The following TTC28 variants were observed in gnomAD, a reference collection of about 807,000 sequenced individuals.
TTC28 encodes tetratricopeptide repeat protein 28.
TTC28 carries 61 observed loss-of-function variants against 198.0 expected under a neutral mutation model. The ratio of observed to expected loss-of-function variants is 0.31; its 90% CI spans 0.25 to 0.38. TTC28 has a LOEUF of 0.38. TTC28 is among the 10% of genes least tolerant of loss of function. The probability of loss-of-function intolerance (pLI) is 1.00; values close to 1 mark genes in which losing one functional copy is unlikely to be tolerated. For synonymous variants in TTC28, 1,171 were observed against 1,297.8 expected (o/e 0.90, Z 2.10); for missense variants, 2,678 against 3,164.0 (o/e 0.85, Z 3.69).
At chr22:28,558,032 ATTTTG>A (rs983691652) in intron 2 of TTC28, among the ~76,000 whole-genome samples, 15 of 151,922 alleles carry the variant, frequency 9.9e-5, no homozygotes, top group African/African-American at 3.6e-4. Flanking sequence ...CATCGTTTTT[ATTTTG>A]ATTTTTTTAC....
chr22:28,304,946 G>A (rs976038933), intron 3 of TTC28, among the ~76,000 whole-genome samples: 3 of 151,564 alleles, frequency 2.0e-5, no homozygotes, highest in Admixed American at 2.0e-4. Flanking sequence ...AAATGCATCT[G>A]CTGTAAGTCA....
intron 1 of TTC28, among the ~76,000 whole-genome samples, chr22:28,655,415 C>T (rs2051629472): frequency 6.6e-6 from 1 of 152,126 alleles, no homozygotes; most frequent in South Asian, 2.1e-4. Context: ...TAAAAATAGT[C>T]CTGTGTCTTG....
intron 6 of TTC28, among the ~76,000 whole-genome samples, chr22:28,137,537 T>C (rs1943227211): frequency 6.6e-6 from 1 of 152,054 alleles, no homozygotes; most frequent in Admixed American, 6.5e-5. Context: ...GCCCTCTTGG[T>C]TTGGAGGGAG....
chr22:28,270,381 A>G (rs1404393840), intron 5 of TTC28, among the ~76,000 whole-genome samples: 1 of 152,200 alleles, frequency 6.6e-6, no homozygotes, highest in Non-Finnish European at 1.5e-5. Context: ...AGCACATAAA[A>G]TGATGGCTCT....
Position 27,981,229 on chromosome 22 carries a change from A to ATTTTTTTTTT in TTC28, c.*991_*992insAAAAAAAAAA, listed in dbSNP as rs1937001603. Reference sequence around the variant, plus strand: ...CTGGTTAAATCTAGTTAGCCATGGAAATTTTTTTTTTTTTTTTTTTTTTTT... The same window carrying ATTTTTTTTTT: ...CTGGTTAAATCTAGTTAGCCATGGAATTTTTTTTTTATTTTTTTTTTTTTTTTTTTTTTTT... On this transcript the variant is annotated 3_prime_UTR_variant, in exon 23 of 23. Transcript: ENST00000397906. 43 of 72,682 alleles carry ATTTTTTTTTT rather than the reference A, an allele frequency of 5.9e-4. 7 individuals carry two copies. The highest frequency in any genetic ancestry group is 1.4e-3 in the African/African-American group (28 of 20,418). 4.5% of individuals were successfully genotyped at this position (72,682 alleles called of 1,614,324 possible). A position where few individuals can be genotyped will look rare whatever the true frequency, so the allele number is the denominator to read the frequency against.
chr22:28,568,806 A>G (rs1331250991), intron 2 of TTC28, among the ~76,000 whole-genome samples: 1 of 152,186 alleles, frequency 6.6e-6, no homozygotes, highest in African/African-American at 2.4e-5. Flanking sequence ...TGCTATTCCT[A>G]TCAAACTATC....
At chr22:28,162,796 A>T (rs1020076046) in intron 6 of TTC28, among the ~76,000 whole-genome samples, 5 of 152,130 alleles carry the variant, frequency 3.3e-5, no homozygotes, top group Admixed American at 3.3e-4. Flanking sequence ...CAAAAAATTT[A>T]AAAAATAGCC....
At chr22:28,184,427 A>G (rs1197993053) in intron 5 of TTC28, among the ~76,000 whole-genome samples, 1 of 152,146 alleles carries the variant, frequency 6.6e-6, no homozygotes. Flanking sequence ...TTGGCACAGA[A>G]ATTATTTGGG....
At chr22:28,123,528 A>T (rs1942842344) in intron 6 of TTC28, among the ~76,000 whole-genome samples, 2 of 152,140 alleles carry the variant, frequency 1.3e-5, no homozygotes, top group Non-Finnish European at 2.9e-5. Context: ...ACATGTTGGG[A>T]TTATAGGCGT....
At chr22:28,660,487 G>A (rs762859344) in intron 1 of TTC28, among the ~76,000 whole-genome samples, 10 of 152,104 alleles carry the variant, frequency 6.6e-5, no homozygotes, top group African/African-American at 1.4e-4. Flanking sequence ...CACCACACCC[G>A]GCTAATTTTT....
At chr22:28,343,937 G>A (rs1301671776) in intron 2 of TTC28, among the ~76,000 whole-genome samples, 1 of 152,000 alleles carries the variant, frequency 6.6e-6, no homozygotes, top group African/African-American at 2.4e-5. Context: ...TCAAATATAC[G>A]CTATTGTTTA....
At chr22:28,473,693 G>A (rs2048127276) in intron 2 of TTC28, among the ~76,000 whole-genome samples, 1 of 152,206 alleles carries the variant, frequency 6.6e-6, no homozygotes, top group African/African-American at 2.4e-5. Context: ...ACCACTGCAT[G>A]CCCTTGAATT....
intron 6 of TTC28, among the ~76,000 whole-genome samples, chr22:28,141,814 C>T (rs1208324799): frequency 6.6e-6 from 1 of 152,156 alleles, no homozygotes; most frequent in Non-Finnish European, 1.5e-5. Context: ...AAACCTCCCA[C>T]ATCAAACAGT....
chr22:28,366,759 C>G (rs5762572), intron 2 of TTC28, among the ~76,000 whole-genome samples: 2 of 151,528 alleles, frequency 1.3e-5, no homozygotes, highest in African/African-American at 4.8e-5. Context: ...ACATTCCATG[C>G]GAACATAAAA....
intron 2 of TTC28, among the ~76,000 whole-genome samples, chr22:28,615,004 A>C (rs568399205): frequency 6.6e-6 from 1 of 152,340 alleles, no homozygotes; most frequent in Non-Finnish European, 1.5e-5. Flanking sequence ...CAGAGTGAAC[A>C]GGAAACCTAC....
rs1301794415 is a variant in TTC28, at chr22:28,395,614, C to CA, written c.382-88972dup. On this transcript the variant is annotated intron_variant, in intron 2 of 22. Transcript: ENST00000397906. ...TGGGCGACAGAGCAAGAGTCCGTCTCAAAAAAAAAAACCAAACAAACAAAA... is the reference window on the plus strand; with the variant it reads ...TGGGCGACAGAGCAAGAGTCCGTCTCAAAAAAAAAAAACCAAACAAACAAAA... Among the ~76,000 whole-genome samples, 516 of 56,170 alleles carry CA rather than the reference C, an allele frequency of 9.2e-3. 2 individuals are homozygous for CA. The highest frequency in any genetic ancestry group is 0.025 in the Middle Eastern group (3 of 118). 36.8% of individuals were successfully genotyped at this position (56,170 alleles called of 152,430 possible).
chr22:28,059,809 C>G (rs1165237803), intron 12 of TTC28, among the ~76,000 whole-genome samples: 1 of 151,546 alleles, frequency 6.6e-6, no homozygotes, highest in Non-Finnish European at 1.5e-5. Context: ...CCCTCTTTAC[C>G]TCTGGTAATA....
chr22:28,035,428 G>A lies in TTC28; in HGVS notation c.3933-5062C>T, dbSNP rs566511671. 7.1e-4 allele frequency among the ~76,000 whole-genome samples: 108 copies of A among 152,318 alleles called. 1 individual carries two copies. The South Asian group carries it at 0.021, about 30-fold the overall frequency. ...GTTGGTAAAACTTCAGAAAGCAAGCGTTAGTGAATTTGCAGCCACTGCCTA... is the reference window on the plus strand; with the variant it reads ...GTTGGTAAAACTTCAGAAAGCAAGCATTAGTGAATTTGCAGCCACTGCCTA... On this transcript the variant is annotated intron_variant, in intron 12 of 22. Coordinates refer to ENST00000397906, the MANE Select transcript of TTC28 (RefSeq NM_001145418.2).
intron 2 of TTC28, among the ~76,000 whole-genome samples, chr22:28,599,612 G>A (rs1391004762): frequency 6.6e-6 from 1 of 152,094 alleles, no homozygotes; most frequent in Admixed American, 6.6e-5. Flanking sequence ...AAAATAGCGA[G>A]ACCCCCATCT....
Sources: gnomAD v4.1 joint callset for allele counts (sites outside exome capture counted in the v4.1 genomes callset) on GRCh38, gnomAD v4.1.1 for gene constraint, MANE v1.5 for transcripts, NCBI Gene and HGNC (gene_info 2026-07-23, HGNC 2026-07-21) for gene names.